Variants in ZNF180 observed in about 807,000 individuals in gnomAD.
ZNF180 encodes the protein zinc finger protein 180 (HHZ168).
A neutral mutation model predicts 11.8 loss-of-function variants in ZNF180; 11 were observed. The ratio of observed to expected loss-of-function variants is 0.93; its 90% CI spans 0.59 to 1.55. The LOEUF (loss-of-function observed/expected upper bound fraction) is 1.55, where lower values mean the gene tolerates loss of function less well. ZNF180 is among the 40% of genes most tolerant of loss of function. The pLI, the probability that ZNF180 is intolerant of heterozygous loss-of-function variation, is 0.00. For synonymous variants in ZNF180, 287 were observed against 257.7 expected (o/e 1.11, Z -1.09); for missense variants, 773 against 781.7 (o/e 0.99, Z 0.13).
At position 44,475,216 on chromosome 19, in the gene ZNF180, T is replaced by C. The variant is rs1359232459; in HGVS notation, c.*1186A>G. 6.6e-6 allele frequency: 1 copy of C among 152,182 alleles called. No individual in the cohort carries two copies. The highest frequency in any genetic ancestry group is 1.5e-5 in the Non-Finnish European group (1 of 68,030). 9.4% of individuals were successfully genotyped at this position (152,182 alleles called of 1,614,324 possible). ...ACTAAAACTTTGCCTCATGAAAGCA[T>C]TTTTGCAAGCATAATTTAGACGGTC... On this transcript the variant is annotated 3_prime_UTR_variant, in exon 5 of 5. Coordinates refer to ENST00000592529, the MANE Select transcript of ZNF180 (RefSeq NM_001278509.3).
Position 44,477,703 on chromosome 19 carries a change from G to A in ZNF180, c.697C>T (p.Leu233Phe), listed in dbSNP as rs1412930638. The A allele has an allele frequency of 2.5e-6, 4 of 1,613,994 alleles. No homozygotes were observed. The highest frequency in any genetic ancestry group is 3.4e-6 in the Non-Finnish European group (4 of 1,179,942). Residue 233 changes from leucine to phenylalanine, a missense_variant, in exon 5 of 5, where the codon CTT (leucine) becomes TTT (phenylalanine). Physicochemically the swap from Leu to Phe is conservative, Grantham distance 22 (BLOSUM62 0). Transcript: ENST00000592529. ...GTTTGAGTTCTTGTAAACTGAATAA[G>A]GTGAATGCTCTGAGGGGGTTTTCCA... ...ECGKPPQSIH[L>F]IQFTRTQTKD...
intron 2 of ZNF180, among the ~76,000 whole-genome samples, chr19:44,488,262 T>C (rs1214808746): frequency 7.0e-6 from 1 of 142,982 alleles, no homozygotes; most frequent in South Asian, 2.4e-4. Flanking sequence ...CCTCTCCCTC[T>C]CTTTCCACGG....
chr19:44,477,838 T>A lies in ZNF180; in HGVS notation c.562A>T (p.Asn188Tyr). ...LFSSPVIPIR[N>Y]HFHKHVSHAK... is the part of the protein sequence containing the mutation. ...TGTGATACATGTTTATGAAAATGGTTTCTTATGGGTATAACTGGGGATGAA... is the reference window on the plus strand; with the variant it reads ...TGTGATACATGTTTATGAAAATGGTATCTTATGGGTATAACTGGGGATGAA... Residue 188 changes from asparagine (N) to tyrosine (Y), a missense_variant, in exon 5 of 5, where the codon AAC becomes TAC. By Grantham distance (143) the Asn-to-Tyr change is moderately radical. Transcript: ENST00000592529. 6.2e-7 allele frequency: 1 copy of A among 1,613,986 alleles called. No homozygotes were observed. Among genetic ancestry groups the A allele is most frequent in the Non-Finnish European group, 8.5e-7 (1 of 1,179,990 alleles).
At chr19:44,485,382 A>G (rs1970203343) in intron 2 of ZNF180, among the ~76,000 whole-genome samples, 1 of 152,212 alleles carries the variant, frequency 6.6e-6, no homozygotes, top group Non-Finnish European at 1.5e-5. Context: ...ATTAGAGACC[A>G]TAAGTTCACA....
chr19:44,489,886 A>T lies in ZNF180; in HGVS notation c.52-5451T>A, dbSNP rs537366558. 2.8e-3 allele frequency among the ~76,000 whole-genome samples: 314 copies of T among 113,146 alleles called. 1 individual carries two copies. Among genetic ancestry groups the T allele is most frequent in the African/African-American group, 8.8e-3 (299 of 34,136 alleles). The allele number at this position is 113,146 out of a possible 152,430, so 74.2% of individuals were successfully genotyped here. On this transcript the variant is annotated intron_variant, in intron 2 of 4. Coordinates refer to ENST00000592529, the MANE Select transcript of ZNF180 (RefSeq NM_001278509.3). Reference sequence around the variant, plus strand: ...AAGAAAGAAAGAGAGAGAAAGAGAGAGAGAGAGAAAGAAAGAGAGAAAAGA... The same window carrying T: ...AAGAAAGAAAGAGAGAGAAAGAGAGTGAGAGAGAAAGAAAGAGAGAAAAGA...
intron 3 of ZNF180, among the ~76,000 whole-genome samples, chr19:44,480,419 T>A (rs1970048096): frequency 6.6e-6 from 1 of 152,192 alleles, no homozygotes; most frequent in Non-Finnish European, 1.5e-5. Flanking sequence ...TGTCTTTCCC[T>A]GGCGAGTTTA....
chr19:44,489,907 A>C, intron 2 of ZNF180, among the ~76,000 whole-genome samples: 1 of 102,512 alleles, frequency 9.8e-6, no homozygotes, highest in Non-Finnish European at 2.2e-5. Context: ...GAAAGAGAGA[A>C]AAGAAAAAGA....
In ZNF180 at chr19:44,475,685, A is replaced by G. The variant is rs980217376; in HGVS notation, c.*717T>C. 2 of 152,252 alleles carry G rather than the reference A, an allele frequency of 1.3e-5. No individual in the cohort carries two copies. The highest frequency in any genetic ancestry group is 2.4e-5 in the African/African-American group (1 of 41,464). 9.4% of individuals were successfully genotyped at this position (152,252 alleles called of 1,614,324 possible). On this transcript the variant is annotated 3_prime_UTR_variant, in exon 5 of 5. Transcript: ENST00000592529. ...TACTCATTATATCATTTATCATAGCATAACAGCGTACATTCCAAAAAGGAA... is the reference window on the plus strand; with the variant it reads ...TACTCATTATATCATTTATCATAGCGTAACAGCGTACATTCCAAAAAGGAA...
At chr19:44,496,873 T>C (rs868056758) in intron 2 of ZNF180, among the ~76,000 whole-genome samples, 6 of 152,170 alleles carry the variant, frequency 3.9e-5, no homozygotes, top group African/African-American at 1.4e-4. Flanking sequence ...ACATAGGTAA[T>C]AAATAACTTT....
At position 44,495,743 on chromosome 19, in the gene ZNF180, G is replaced by A. The variant is rs541192625; in HGVS notation, c.51+1541C>T. Among the ~76,000 whole-genome samples, 111 of 152,166 alleles carry A rather than the reference G, an allele frequency of 7.3e-4. No individual in the cohort carries two copies. Among genetic ancestry groups the A allele is most frequent in the Middle Eastern group, 6.8e-3 (2 of 292 alleles). ...TGACACCCACATTGGGCTGCACCAC[G>A]TGCACAAGCGACTTCTTCATTCCAC... is the stretch of plus-strand genomic sequence containing the variant. On this transcript the variant is annotated intron_variant, in intron 2 of 4. Coordinates refer to ENST00000592529, the MANE Select transcript of ZNF180 (RefSeq NM_001278509.3). The surrounding 1 kb of genome is among the most constrained non-coding windows in gnomAD (Gnocchi z 4.5).
intron 2 of ZNF180, among the ~76,000 whole-genome samples, chr19:44,487,870 G>A (rs973394346): frequency 6.6e-6 from 1 of 152,092 alleles, no homozygotes; most frequent in African/African-American, 2.4e-5. Context: ...GGGACTACAG[G>A]CGCACATCAC....
At position 44,497,397 on chromosome 19, in the gene ZNF180, C is replaced by G; in HGVS notation, c.-43-20G>C. ...GCTGCACTGAGAGAAGCCCCAAGTA[C>G]AGCATGAAGATGTAGGTCTGCCGGA... On this transcript the variant is annotated intron_variant, in intron 1 of 4. Transcript: ENST00000592529. 6.3e-7 allele frequency: 1 copy of G among 1,581,502 alleles called. No homozygotes were observed. The highest frequency in any genetic ancestry group is 8.6e-7 in the Non-Finnish European group (1 of 1,168,794).
At chr19:44,478,247 T>C in intron 4 of ZNF180, 101 bp from the exon 5 acceptor site, 1 of 1,265,138 alleles carries the variant, frequency 7.9e-7, no homozygotes. Context: ...ATGAATTTGT[T>C]TTCAAATACT....
intron 1 of ZNF180, among the ~76,000 whole-genome samples, chr19:44,499,841 C>G (rs1271588100): frequency 6.6e-6 from 1 of 152,176 alleles, no homozygotes; most frequent in East Asian, 1.9e-4. Context: ...CTTTTGCTTC[C>G]TACCCAAATA....
intron 3 of ZNF180, among the ~76,000 whole-genome samples, chr19:44,482,746 G>T (rs1970114981): frequency 6.6e-6 from 1 of 152,234 alleles, no homozygotes; most frequent in Non-Finnish European, 1.5e-5. Context: ...ATGGTGCCAG[G>T]CATTGTGCTA....
Position 44,476,536 on chromosome 19 carries a change from T to G in ZNF180, c.1864A>C (p.Ile622Leu). The change falls in exon 5 of 5, where the codon ATT (isoleucine) becomes CTT (leucine). Residue 622 changes from isoleucine to leucine, a missense_variant. Physicochemically the swap from Ile to Leu is conservative, Grantham distance 5. Coordinates refer to ENST00000592529, the MANE Select transcript of ZNF180 (RefSeq NM_001278509.3). ...GKTFSLSARL[I>L]VHQRTHTGEK... ...CCAGTATGAGTTCTTTGATGCACAA[T>G]AAGTCGAGCACTCAAGCTAAATGTT... The G allele has an allele frequency of 1.9e-6, 3 of 1,613,934 alleles. No homozygotes were observed. The highest frequency in any genetic ancestry group is 2.5e-6 in the Non-Finnish European group (3 of 1,179,942).
chr19:44,483,338 A>C (rs1970132221), intron 3 of ZNF180, among the ~76,000 whole-genome samples: 1 of 152,038 alleles, frequency 6.6e-6, no homozygotes, highest in Non-Finnish European at 1.5e-5. Context: ...TGGAGTGTCC[A>C]CTCCATAGGA....
chr19:44,495,395 C>T lies in ZNF180; in HGVS notation c.51+1889G>A, dbSNP rs1278721787. ...CTGCCACTTGGACTTGGACAGCCCACGTCAGGCCACCCCACTGTGTCAGTA... is the reference window on the plus strand; with the variant it reads ...CTGCCACTTGGACTTGGACAGCCCATGTCAGGCCACCCCACTGTGTCAGTA... On this transcript the variant is annotated intron_variant, in intron 2 of 4. Transcript: ENST00000592529. The surrounding 1 kb of genome is among the most constrained non-coding windows in gnomAD (Gnocchi z 4.5). 2.0e-5 allele frequency among the ~76,000 whole-genome samples: 3 copies of T among 152,012 alleles called. No individual in the cohort carries two copies. The highest frequency in any genetic ancestry group is 6.5e-5 in the Admixed American group (1 of 15,274).
chr19:44,493,296 AG>A (rs1970494683), intron 2 of ZNF180, among the ~76,000 whole-genome samples: 1 of 152,204 alleles, frequency 6.6e-6, no homozygotes, highest in African/African-American at 2.4e-5. Flanking sequence ...AGTTGGCTCA[AG>A]GCCTTCGCTG....
Sources: allele counts gnomAD v4.1 joint callset (sites outside exome capture counted in the v4.1 genomes callset), GRCh38; gene constraint gnomAD v4.1.1; non-coding constraint Gnocchi (gnomAD v3.1); transcripts MANE v1.5; gene names NCBI Gene and HGNC (gene_info 2026-07-23, HGNC 2026-07-21).